Variants in ATXN1 observed in about 807,000 individuals in gnomAD.
ATXN1 encodes ataxin-1.
A neutral mutation model predicts 56.4 loss-of-function variants in ATXN1; 8 were observed. The observed-to-expected ratio is 0.14, with a 90% CI of 0.08 to 0.26. The LOEUF (loss-of-function observed/expected upper bound fraction) is 0.26. ATXN1 is among the 10% of genes least tolerant of loss of function. The pLI, the probability that ATXN1 is intolerant of heterozygous loss-of-function variation, is 1.00. For synonymous variants in ATXN1, 514 were observed against 494.6 expected, an observed-to-expected ratio of 1.04 and a Z score of -0.52; for missense variants, 987 against 1,106.5, an observed-to-expected ratio of 0.89 and a Z score of 1.53.
intron 5 of ATXN1, among the ~76,000 whole-genome samples, chr6:16,516,878 A>G (rs1382920207): frequency 6.6e-6 from 1 of 152,182 alleles, no homozygotes; most frequent in Non-Finnish European, 1.5e-5. Context: ...TTGTACTTTC[A>G]GGGCTTACCT....
At chr6:16,568,584 G>A (rs1463139440) in intron 4 of ATXN1, among the ~76,000 whole-genome samples, 1 of 152,122 alleles carries the variant, frequency 6.6e-6, no homozygotes, top group Admixed American at 6.5e-5. Flanking sequence ...CATGAGCAGG[G>A]GACAGGAGGT....
intron 3 of ATXN1, among the ~76,000 whole-genome samples, chr6:16,650,199 T>C (rs148382139): frequency 2.0e-5 from 3 of 152,306 alleles, no homozygotes; most frequent in African/African-American, 4.8e-5. Context: ...ATGGTTATTA[T>C]ATACATAGTA....
intron 6 of ATXN1, among the ~76,000 whole-genome samples, chr6:16,334,612 G>C (rs138456591): frequency 2.6e-5 from 4 of 152,242 alleles, no homozygotes; most frequent in African/African-American, 9.6e-5. Context: ...AGCTACCCAG[G>C]AGGCTAAGGC....
Position 16,301,806 on chromosome 6 carries a change from G to A in ATXN1, c.*4523C>T, listed in dbSNP as rs1760108859. ...CAAGAAGCCCGGCCTTCGGTACCGA[G>A]AGCTCTGCTTCCTCACCCATATCTG... On this transcript the variant is annotated 3_prime_UTR_variant, in exon 8 of 8. Coordinates refer to ENST00000436367, the MANE Select transcript of ATXN1 (RefSeq NM_001128164.2). 1 of 152,676 alleles carries A rather than the reference G, an allele frequency of 6.5e-6. No homozygotes were observed. The highest frequency in any genetic ancestry group is 1.5e-5 in the Non-Finnish European group (1 of 68,062). 9.5% of individuals were successfully genotyped at this position (152,676 alleles called of 1,614,324 possible).
At chr6:16,466,317 C>CAA (rs200261208) in intron 6 of ATXN1, among the ~76,000 whole-genome samples, 1,279 of 79,702 alleles carry the variant, frequency 0.016, 40 homozygotes, top group Non-Finnish European at 0.022. Context: ...GACCCCATCT[C>CAA]AAAAAAAAAA....
At chr6:16,515,572 C>G (rs1010225696) in intron 5 of ATXN1, among the ~76,000 whole-genome samples, 7 of 152,292 alleles carry the variant, frequency 4.6e-5, no homozygotes, top group Admixed American at 1.3e-4. Context: ...TTTGGTCTGA[C>G]ACATGTGGTG....
chr6:16,454,144 A>AAG (rs1759818131), intron 6 of ATXN1, among the ~76,000 whole-genome samples: 1 of 150,276 alleles, frequency 6.7e-6, no homozygotes, highest in African/African-American at 2.4e-5. Context: ...AAAAAAAAAA[A>AAG]AAAAAAAAAA....
At chr6:16,417,689 C>T (rs1016179287) in intron 6 of ATXN1, among the ~76,000 whole-genome samples, 2 of 152,112 alleles carry the variant, frequency 1.3e-5, no homozygotes, top group African/African-American at 4.8e-5. Flanking sequence ...CCCCCTGCCT[C>T]GGCCTCCCAA....
intron 4 of ATXN1, among the ~76,000 whole-genome samples, chr6:16,576,112 T>A (rs1762415942): frequency 6.6e-6 from 1 of 151,598 alleles, no homozygotes; most frequent in South Asian, 2.1e-4. Flanking sequence ...AAAAAAAAAA[T>A]CTGAAAAGTC....
intron 2 of ATXN1, among the ~76,000 whole-genome samples, chr6:16,673,182 A>T (rs59697453): frequency 0.65 from 98,576 of 151,294 alleles, 32,333 homozygotes; most frequent in East Asian, 0.73. Context: ...AGATAAAAAC[A>T]GTTGCTTTAA....
chr6:16,668,329 T>C (rs990668200), intron 2 of ATXN1, among the ~76,000 whole-genome samples: 4 of 151,608 alleles, frequency 2.6e-5, no homozygotes, highest in Non-Finnish European at 5.9e-5. Context: ...TATCTCCTAA[T>C]GCTATCCCTC....
intron 6 of ATXN1, among the ~76,000 whole-genome samples, chr6:16,457,373 G>A (rs1241101631): frequency 1.3e-5 from 2 of 151,572 alleles, no homozygotes; most frequent in Non-Finnish European, 2.9e-5. Flanking sequence ...TGGGTTCTTG[G>A]GCAGGGAGAA....
intron 6 of ATXN1, among the ~76,000 whole-genome samples, chr6:16,338,986 T>C (rs1005933811): frequency 1.3e-5 from 2 of 152,194 alleles, no homozygotes; most frequent in African/African-American, 4.8e-5. Context: ...AGGATGGCAT[T>C]TCCAGGGAAG....
chr6:16,459,387 A>T (rs183310793), intron 6 of ATXN1, among the ~76,000 whole-genome samples: 1 of 152,302 alleles, frequency 6.6e-6, no homozygotes, highest in East Asian at 1.9e-4. Context: ...GGATTACAGG[A>T]TATTGTTATA....
At chr6:16,414,978 T>C (rs925421746) in intron 6 of ATXN1, among the ~76,000 whole-genome samples, 1 of 152,212 alleles carries the variant, frequency 6.6e-6, no homozygotes, top group East Asian at 1.9e-4. Flanking sequence ...TATAATTAGC[T>C]GAGTATATAT....
intron 4 of ATXN1, among the ~76,000 whole-genome samples, chr6:16,527,705 T>C (rs1761421959): frequency 6.6e-6 from 1 of 152,188 alleles, no homozygotes; most frequent in African/African-American, 2.4e-5. Flanking sequence ...ATAGAATCAA[T>C]GTTGGGAACT....
chr6:16,306,391 G>T lies in ATXN1; in HGVS notation c.2386C>A (p.Pro796Thr). 1 of 1,614,048 alleles carries T rather than the reference G, an allele frequency of 6.2e-7. No homozygotes were observed. The highest frequency in any genetic ancestry group is 8.5e-7 in the Non-Finnish European group (1 of 1,180,028). Residue 796 changes from proline to threonine, a missense_variant, in exon 8 of 8, where the codon CCT (proline) becomes ACT (threonine). Transcript: ENST00000436367. The surrounding 1 kb of genome is among the most constrained non-coding windows in gnomAD (Gnocchi z 5.2). ...TTAACCTCCTGAGGAATTAGAGAAG[G>T]CTTAGGAAGAGTCAAAGGTGGTTCG... Reference protein sequence around the residue: ...EDEPPLTLPKPSLIPQEVKIC... With the variant: ...EDEPPLTLPKTSLIPQEVKIC...
intron 6 of ATXN1, among the ~76,000 whole-genome samples, chr6:16,359,620 G>C (rs920621449): frequency 7.2e-5 from 11 of 152,228 alleles, no homozygotes; most frequent in Admixed American, 7.2e-4. Flanking sequence ...TCTCTGCTGA[G>C]AGCTGAACAC....
intron 2 of ATXN1, among the ~76,000 whole-genome samples, chr6:16,735,025 AAC>A (rs1760081123): frequency 6.6e-6 from 1 of 152,172 alleles, no homozygotes; most frequent in Non-Finnish European, 1.5e-5. Flanking sequence ...ATTTAGTAAA[AAC>A]AATTTTTGAA....
Sources: allele counts gnomAD v4.1 joint callset (sites outside exome capture counted in the v4.1 genomes callset), GRCh38; gene constraint gnomAD v4.1.1; non-coding constraint Gnocchi (gnomAD v3.1); transcripts MANE v1.5; gene names NCBI Gene and HGNC (gene_info 2026-07-23, HGNC 2026-07-21).